SLC24A3: variants seen among roughly 807,000 people sequenced by gnomAD.
SLC24A3 encodes solute carrier family 24 member 3.
A neutral mutation model predicts 75.8 loss-of-function variants in SLC24A3; 28 were observed. That is an observed-to-expected ratio of 0.37 (90% CI 0.27 to 0.51). The LOEUF is 0.51. Among genes scored for constraint, SLC24A3 ranks in the 20% least tolerant of loss-of-function variants. The pLI is 0.94. For missense variants in SLC24A3, 663 were observed against 847.8 expected, an observed-to-expected ratio of 0.78 and a Z score of 2.71; for synonymous variants, 372 against 334.1, an observed-to-expected ratio of 1.11 and a Z score of -1.24.
rs1491578632 is a variant in SLC24A3 at position 19,325,765 on chromosome 20, C to CATATATATATAT, written c.271+44689_271+44690insTATATATATATA. On this transcript the variant is annotated intron_variant, in intron 2 of 16. Coordinates refer to ENST00000328041, the MANE Select transcript of SLC24A3 (RefSeq NM_020689.4). ...GTGTGTGTGTGTGTATACATACATA[C>CATATATATATAT]ATATATATATACATATATATATATA... Among the ~76,000 whole-genome samples, 8 of 43,060 alleles carry CATATATATATAT rather than the reference C, an allele frequency of 1.9e-4. 1 individual carries two copies. The highest frequency in any genetic ancestry group is 3.7e-4 in the African/African-American group (3 of 8,150). 28.2% of individuals were successfully genotyped at this position (43,060 alleles called of 152,430 possible).
At chr20:19,573,960 G>T (rs1360114023) in intron 3 of SLC24A3, among the ~76,000 whole-genome samples, 1 of 152,226 alleles carries the variant, frequency 6.6e-6, no homozygotes, top group Non-Finnish European at 1.5e-5. Context: ...GAGTTAAGGT[G>T]AACCTCTTAC....
intron 2 of SLC24A3, among the ~76,000 whole-genome samples, chr20:19,288,220 C>T (rs1323115678): frequency 1.3e-5 from 2 of 152,224 alleles, no homozygotes; most frequent in East Asian, 3.9e-4. Flanking sequence ...GTATTAACTA[C>T]GAGGCTTCTG....
intron 7 of SLC24A3, among the ~76,000 whole-genome samples, chr20:19,663,277 A>T (rs2032350970): frequency 1.3e-5 from 2 of 150,292 alleles, no homozygotes; most frequent in African/African-American, 4.9e-5. Context: ...CCTTTTGTTC[A>T]TTTCATTGTT....
intron 2 of SLC24A3, among the ~76,000 whole-genome samples, chr20:19,357,743 A>G (rs1985715343): frequency 6.6e-6 from 1 of 152,240 alleles, no homozygotes; most frequent in African/African-American, 2.4e-5. Context: ...GTGTTGGGGC[A>G]TGGCCAGCCC....
intron 16 of SLC24A3, among the ~76,000 whole-genome samples, 156 bp from the exon 17 acceptor site, chr20:19,720,835 G>A (rs1490924406): frequency 6.6e-6 from 1 of 152,104 alleles, no homozygotes; most frequent in Non-Finnish European, 1.5e-5. Context: ...CACAATCTGA[G>A]ACGAGAGGTG....
intron 2 of SLC24A3, among the ~76,000 whole-genome samples, chr20:19,350,199 T>C (rs975518934): frequency 6.6e-6 from 1 of 152,232 alleles, no homozygotes; most frequent in Admixed American, 6.5e-5. Flanking sequence ...GAAATAACTT[T>C]TTTATGTGAT....
chr20:19,573,300 A>G (rs2031082343), intron 3 of SLC24A3, among the ~76,000 whole-genome samples: 1 of 152,174 alleles, frequency 6.6e-6, no homozygotes, highest in Non-Finnish European at 1.5e-5. Context: ...ATTTCCTGTT[A>G]TCTTAGGTGT....
intron 2 of SLC24A3, among the ~76,000 whole-genome samples, chr20:19,390,117 T>C (rs1986341402): frequency 6.6e-6 from 1 of 152,218 alleles, no homozygotes; most frequent in Non-Finnish European, 1.5e-5. Context: ...GGTTTTTTGT[T>C]TCCTGATTTT....
At chr20:19,493,009 C>T (rs73275279) in intron 2 of SLC24A3, among the ~76,000 whole-genome samples, 3,590 of 152,310 alleles carry the variant, frequency 0.024, 164 homozygotes, top group African/African-American at 0.08. Flanking sequence ...ATATGTCTCA[C>T]TGCCGATATC....
chr20:19,213,650 A>G (rs1464452611), intron 1 of SLC24A3, among the ~76,000 whole-genome samples: 1 of 152,212 alleles, frequency 6.6e-6, no homozygotes, highest in African/African-American at 2.4e-5. Flanking sequence ...AATGGTTTGC[A>G]GTGGACCACG....
At chr20:19,219,393 C>T (rs532140054) in intron 1 of SLC24A3, among the ~76,000 whole-genome samples, 1 of 152,178 alleles carries the variant, frequency 6.6e-6, no homozygotes, top group Non-Finnish European at 1.5e-5. Context: ...TTTGTTCATT[C>T]AACAAATGGC....
At chr20:19,231,769 G>A (rs1290921645) in intron 1 of SLC24A3, among the ~76,000 whole-genome samples, 2 of 152,210 alleles carry the variant, frequency 1.3e-5, no homozygotes, top group Non-Finnish European at 2.9e-5. Flanking sequence ...CCAGTGTATC[G>A]AATATTGGCC....
intron 2 of SLC24A3, among the ~76,000 whole-genome samples, chr20:19,392,644 G>A (rs149380677): frequency 5.9e-5 from 9 of 152,294 alleles, no homozygotes; most frequent in Middle Eastern, 3.4e-3. Context: ...TTTATGTGCC[G>A]TTGAGATTGA....
At chr20:19,428,150 G>A (rs1987044066) in intron 2 of SLC24A3, among the ~76,000 whole-genome samples, 2 of 152,224 alleles carry the variant, frequency 1.3e-5, no homozygotes, top group Admixed American at 6.5e-5. Flanking sequence ...TCTCCATGCA[G>A]TAGCAGCAGC....
At chr20:19,704,189 A>AGATG (rs111948547) in intron 15 of SLC24A3, among the ~76,000 whole-genome samples, 126,844 of 151,092 alleles carry the variant, frequency 0.84, 53,444 homozygotes, top group East Asian at 0.96. Flanking sequence ...ATGGATGGAG[A>AGATG]GATGGATGGA....
chr20:19,603,408 G>A (rs1469372195), intron 6 of SLC24A3, among the ~76,000 whole-genome samples: 1 of 152,308 alleles, frequency 6.6e-6, no homozygotes, highest in East Asian at 1.9e-4. Flanking sequence ...CGTGTGGAAT[G>A]GGGGCTGGTG....
intron 2 of SLC24A3, among the ~76,000 whole-genome samples, chr20:19,473,848 C>G (rs1987915909): frequency 6.6e-6 from 1 of 152,232 alleles, no homozygotes; most frequent in Non-Finnish European, 1.5e-5. Flanking sequence ...CTGTCCTTTG[C>G]AATCAGATCA....
At chr20:19,566,986 A>G (rs1183856870) in intron 3 of SLC24A3, among the ~76,000 whole-genome samples, 2 of 152,258 alleles carry the variant, frequency 1.3e-5, no homozygotes, top group Non-Finnish European at 2.9e-5. Flanking sequence ...TAGAATGGCT[A>G]TTATTAAAAA....
chr20:19,522,590 C>T (rs963187878), intron 3 of SLC24A3, among the ~76,000 whole-genome samples: 1 of 152,214 alleles, frequency 6.6e-6, no homozygotes, highest in Non-Finnish European at 1.5e-5. Context: ...TCTCTTCCCC[C>T]GCAAACGCCA....
Sources: allele counts gnomAD v4.1 joint callset (sites outside exome capture counted in the v4.1 genomes callset), GRCh38; gene constraint gnomAD v4.1.1; transcripts MANE v1.5; gene names NCBI Gene and HGNC (gene_info 2026-07-23, HGNC 2026-07-21).